Variants in CFAP57 observed in about 807,000 individuals in gnomAD.
CFAP57 encodes cilia- and flagella-associated protein 57.
CFAP57 carries 116 observed loss-of-function variants against 146.8 expected under a neutral mutation model. The observed-to-expected ratio is 0.79, with a 90% CI of 0.68 to 0.92. The LOEUF (loss-of-function observed/expected upper bound fraction) is 0.92, where lower values mean the gene tolerates loss of function less well. Ranked by LOEUF, CFAP57 falls within the 40% of genes least tolerant of loss-of-function variation. The pLI, the probability that CFAP57 is intolerant of heterozygous loss-of-function variation, is 0.00. For missense variants in CFAP57, 1,377 were observed against 1,527.2 expected (o/e 0.90, Z 1.64); for synonymous variants, 518 against 552.8 (o/e 0.94, Z 0.88).
intron 7 of CFAP57, 84 bp downstream of exon 7, chr1:43,197,776 A>G (rs573260722): frequency 1.3e-5 from 20 of 1,558,430 alleles, no homozygotes; most frequent in Admixed American, 6.9e-5. Flanking sequence ...CAGTGTTCCA[A>G]ACTTTAATTA....
Position 43,219,418 on chromosome 1 carries a change from G to T in CFAP57, c.2128G>T (p.Glu710Ter), listed in dbSNP as rs969765261. Reference protein sequence around the residue: ...VMLELKTRVEELKMENEYQLR... With the variant: ...VMLELKTRVE Reference sequence around the variant, plus strand: ...GTTGGAGCTAAAGACTCGTGTGGAGGAATTAAAAATGGAGAATGAGTATCA... The same window carrying T: ...GTTGGAGCTAAAGACTCGTGTGGAGTAATTAAAAATGGAGAATGAGTATCA... Residue 710 changes from glutamate to a stop codon, truncating the protein, a stop_gained, in exon 13 of 23, where the codon GAA becomes TAA. Transcript: ENST00000372492. LOFTEE classifies it high-confidence loss of function. 6.4e-7 allele frequency: 1 copy of T among 1,550,672 alleles called. No individual in the cohort carries two copies. Among genetic ancestry groups the T allele is most frequent in the Admixed American group, 2.0e-5 (1 of 51,004 alleles).
intron 11 of CFAP57, among the ~76,000 whole-genome samples, chr1:43,213,616 T>A (rs1644717730): frequency 1.3e-5 from 2 of 152,148 alleles, no homozygotes; most frequent in African/African-American, 4.8e-5. Context: ...TTTAGTTTTT[T>A]TGAGAAGTCT....
chr1:43,183,825 A>G lies in CFAP57; in HGVS notation c.709A>G (p.Lys237Glu), dbSNP rs1443012146. 6.2e-7 allele frequency: 1 copy of G among 1,614,222 alleles called. No homozygotes were observed. The highest frequency in any genetic ancestry group is 1.1e-5 in the South Asian group (1 of 91,092). Residue 237 changes from lysine to glutamate, a missense_variant, in exon 4 of 23, where the codon AAG becomes GAG. Transcript: ENST00000372492. ...DQRWETSIMV[K>E]EPTNGSKSLD... is the part of the protein sequence containing the mutation. ...GCGTTGGGAGACCAGCATAATGGTC[A>G]AGGAACCTACCAATGGCTCAAAGAG... is the stretch of plus-strand genomic sequence containing the variant.
chr1:43,173,226 T>A (rs896009302), intron 2 of CFAP57, among the ~76,000 whole-genome samples: 1 of 152,184 alleles, frequency 6.6e-6, no homozygotes, highest in Non-Finnish European at 1.5e-5. Context: ...ACTTTTTGAG[T>A]TGTCTAACAG....
intron 22 of CFAP57, among the ~76,000 whole-genome samples, chr1:43,248,879 C>CT (rs34706910): frequency 0.96 from 144,610 of 151,398 alleles, 69,091 homozygotes; most frequent in East Asian, 1. Flanking sequence ...ATATCATAAC[C>CT]TTTTTTTAAT....
chr1:43,240,024 G>A (rs936562899), intron 21 of CFAP57, among the ~76,000 whole-genome samples: 2 of 152,232 alleles, frequency 1.3e-5, no homozygotes, highest in Non-Finnish European at 2.9e-5. Context: ...AATTGATCAT[G>A]TCATGATATA....
rs528404296 is a variant in CFAP57, at chr1:43,206,750, A to C, written c.1573A>C (p.Ser525Arg). Residue 525 changes from serine to arginine, a missense_variant, in exon 10 of 23, where the codon AGC (serine) becomes CGC (arginine). Coordinates refer to ENST00000372492, the MANE Select transcript of CFAP57 (RefSeq NM_001378189.1). The part of the protein sequence containing the change: ...IRSIVWNADD[S>R]KLISGGTDGA... ...CTCAATTGTGTGGAATGCAGATGAT[A>C]GCAAACTGATTTCTGGTGGCACAGA... The C allele has an allele frequency of 6.2e-7, 1 of 1,614,088 alleles. No individual in the cohort carries two copies. The highest frequency in any genetic ancestry group is 8.5e-7 in the Non-Finnish European group (1 of 1,180,030).
intron 10 of CFAP57, among the ~76,000 whole-genome samples, chr1:43,209,374 T>TAA (rs1644494890): frequency 6.6e-6 from 1 of 152,198 alleles, no homozygotes; most frequent in Non-Finnish European, 1.5e-5. Context: ...ACACAGATGG[T>TAA]CCGTCATCCA....
In CFAP57 at chr1:43,243,325, C is replaced by T; in HGVS notation, c.3504C>T (p.Thr1168=). Reference sequence around the variant, plus strand: ...ACCTTGAAGCAGCTCTGAAACTGACCAAGAAAGTCCGACCACAAGAAGTTT... The same window carrying T: ...ACCTTGAAGCAGCTCTGAAACTGACTAAGAAAGTCCGACCACAAGAAGTTT... The part of the protein sequence containing the change: ...VYDLEAALKL[T]KKVRPQEVSE... Residue 1168 remains threonine, a synonymous_variant, in exon 22 of 23, where the codon ACC becomes ACT. Coordinates refer to ENST00000372492, the MANE Select transcript of CFAP57 (RefSeq NM_001378189.1). 1 of 1,540,222 alleles carries T rather than the reference C, an allele frequency of 6.5e-7. No homozygotes were observed. The highest frequency in any genetic ancestry group is 1.2e-5 in the South Asian group (1 of 82,360).
intron 6 of CFAP57, among the ~76,000 whole-genome samples, chr1:43,195,901 T>G (rs1643849227): frequency 6.6e-6 from 1 of 152,162 alleles, no homozygotes; most frequent in African/African-American, 2.4e-5. Context: ...AAAATAAAAT[T>G]TGTCTTATAT....
chr1:43,253,960 C>A lies in CFAP57; in HGVS notation c.3539-17C>A. On this transcript the variant is annotated splice_polypyrimidine_tract_variant and intron_variant, in intron 22 of 22. Transcript: ENST00000372492. ...GTGCAATGGACAGGCCCACATGAGT[C>A]CTGTTGTCTCTTACAGAACCCAGCA... 1 of 1,549,670 alleles carries A rather than the reference C, an allele frequency of 6.5e-7. No individual in the cohort carries two copies. The highest frequency in any genetic ancestry group is 1.2e-5 in the South Asian group (1 of 83,984).
chr1:43,226,642 G>A (rs1268311683), intron 17 of CFAP57, among the ~76,000 whole-genome samples: 1 of 152,232 alleles, frequency 6.6e-6, no homozygotes, highest in Admixed American at 6.5e-5. Flanking sequence ...AAGGGGATTC[G>A]CTTCCACCTC....
chr1:43,173,806 C>A (rs1315679541), intron 2 of CFAP57, among the ~76,000 whole-genome samples: 1 of 152,162 alleles, frequency 6.6e-6, no homozygotes, highest in African/African-American at 2.4e-5. Flanking sequence ...TCTATTTGTG[C>A]AGATTCTCTA....
chr1:43,221,709 A>T (rs1645050346), intron 14 of CFAP57, among the ~76,000 whole-genome samples: 1 of 152,190 alleles, frequency 6.6e-6, no homozygotes, highest in South Asian at 2.1e-4. Flanking sequence ...TTGGAACCTG[A>T]TAGTCTTGCC....
intron 9 of CFAP57, 143 bp from the exon 10 acceptor site, chr1:43,206,577 T>C (rs1644364938): frequency 1.4e-6 from 1 of 727,754 alleles, no homozygotes; most frequent in Non-Finnish European, 2.4e-6. Context: ...CAAGAAGCTA[T>C]GTTTTGTGCT....
At chr1:43,231,123 A>G (rs1189282629) in intron 18 of CFAP57, among the ~76,000 whole-genome samples, 6 of 152,124 alleles carry the variant, frequency 3.9e-5, no homozygotes, top group Non-Finnish European at 7.4e-5. Context: ...TCATTCATCA[A>G]ATATTTGAGT....
intron 18 of CFAP57, chr1:43,231,997 C>T: frequency 1.5e-6 from 1 of 657,186 alleles, no homozygotes; most frequent in Non-Finnish European, 2.8e-6. Context: ...TTCTCAGCTT[C>T]CCCTTTCCTG....
chr1:43,188,277 ATGGG>A (rs1643278748), intron 6 of CFAP57, among the ~76,000 whole-genome samples: 1 of 151,928 alleles, frequency 6.6e-6, no homozygotes, highest in South Asian at 2.1e-4. Flanking sequence ...TTTTATGTGG[ATGGG>A]TTTTCATTTC....
intron 6 of CFAP57, among the ~76,000 whole-genome samples, chr1:43,187,946 G>A (rs1643256028): frequency 1.3e-5 from 2 of 152,120 alleles, no homozygotes; most frequent in South Asian, 2.1e-4. Flanking sequence ...TAGGACTACA[G>A]GTGCACGCCA....
Sources: allele counts gnomAD v4.1 joint callset (sites outside exome capture counted in the v4.1 genomes callset), GRCh38; gene constraint gnomAD v4.1.1; transcripts MANE v1.5; gene names NCBI Gene and HGNC (gene_info 2026-07-23, HGNC 2026-07-21).